The following RIMS2 variants were observed in gnomAD, a reference collection of about 807,000 sequenced individuals.
RIMS2 encodes regulating synaptic membrane exocytosis protein 2.
Under a neutral mutation model 174.4 loss-of-function variants are expected in RIMS2, and 59 were observed. The ratio of observed to expected loss-of-function variants is 0.34; its 90% confidence interval spans 0.27 to 0.42. The LOEUF (loss-of-function observed/expected upper bound fraction) is 0.42, where lower values mean the gene tolerates loss of function less well. Ranked by LOEUF, RIMS2 falls within the 10% of genes least tolerant of loss-of-function variation. The pLI is 1.00. For synonymous variants in RIMS2, 606 were observed against 572.5 expected (o/e 1.06, Z -0.84); for missense variants, 1,620 against 1,666.3 (o/e 0.97, Z 0.48).
intron 19 of RIMS2, among the ~76,000 whole-genome samples, chr8:104,031,731 A>G (rs2154556329): frequency 6.6e-6 from 1 of 152,264 alleles, no homozygotes; most frequent in Non-Finnish European, 1.5e-5. Context: ...ATAAGTGATG[A>G]CAAACCATTG....
At chr8:104,095,928 A>C (rs752623856) in intron 19 of RIMS2, among the ~76,000 whole-genome samples, 22 of 152,240 alleles carry the variant, frequency 1.4e-4, no homozygotes, top group Admixed American at 2.6e-4. Flanking sequence ...AGATATATTT[A>C]ACTGTATTTG....
intron 15 of RIMS2, among the ~76,000 whole-genome samples, chr8:103,967,227 A>G (rs1484460201): frequency 9.2e-6 from 1 of 109,288 alleles, no homozygotes; most frequent in South Asian, 3.1e-4. Context: ...CTTGTTGCCC[A>G]GGCTGGAGTG....
intron 1 of RIMS2, among the ~76,000 whole-genome samples, chr8:103,598,638 T>G (rs2094566970): frequency 6.6e-6 from 1 of 152,172 alleles, no homozygotes; most frequent in Non-Finnish European, 1.5e-5. Flanking sequence ...AAGGACATTA[T>G]TATTTGTTAC....
chr8:103,769,660 G>A (rs1241865778), intron 3 of RIMS2, among the ~76,000 whole-genome samples: 3 of 152,106 alleles, frequency 2.0e-5, no homozygotes, highest in Non-Finnish European at 4.4e-5. Context: ...GTGGTAATGA[G>A]AACAAATAAA....
At chr8:103,565,411 C>T (rs1017189222) in intron 1 of RIMS2, among the ~76,000 whole-genome samples, 2 of 151,966 alleles carry the variant, frequency 1.3e-5, no homozygotes, top group Non-Finnish European at 2.9e-5. Flanking sequence ...ATCAGGTGAT[C>T]CTTCTACCTC....
chr8:103,980,774 T>G (rs2093830567), intron 16 of RIMS2, among the ~76,000 whole-genome samples: 1 of 152,142 alleles, frequency 6.6e-6, no homozygotes, highest in African/African-American at 2.4e-5. Context: ...CAGTGAACAT[T>G]GCAGTGGCCT....
chr8:103,646,545 G>T (rs187870071), intron 1 of RIMS2, among the ~76,000 whole-genome samples: 1 of 151,942 alleles, frequency 6.6e-6, no homozygotes, highest in Non-Finnish European at 1.5e-5. Context: ...ACCTCTCTCC[G>T]CACCCAGTTC....
chr8:103,852,592 G>A (rs1318698428), intron 3 of RIMS2, among the ~76,000 whole-genome samples: 1 of 151,582 alleles, frequency 6.6e-6, no homozygotes, highest in African/African-American at 2.4e-5. Context: ...AGTGTCTATT[G>A]TTCCCATGTT....
At chr8:103,869,720 G>A (rs1269104726) in intron 3 of RIMS2, among the ~76,000 whole-genome samples, 3 of 152,216 alleles carry the variant, frequency 2.0e-5, no homozygotes, top group African/African-American at 7.2e-5. Flanking sequence ...GAGTTAAGGG[G>A]CACTTATACA....
chr8:104,255,430 C>T (rs2099366394), downstream of RIMS2: 1 of 152,016 alleles, frequency 6.6e-6, no homozygotes, highest in African/African-American at 2.4e-5. Context: ...CTGAAAAGCC[C>T]TTCTACTTTT....
intron 1 of RIMS2, among the ~76,000 whole-genome samples, chr8:103,626,767 C>G (rs566521809): frequency 1.3e-5 from 2 of 152,066 alleles, no homozygotes; most frequent in South Asian, 2.1e-4. Context: ...ATTGGTAGGA[C>G]CATGATGGCG....
chr8:103,579,605 A>G (rs1239621319), intron 1 of RIMS2, among the ~76,000 whole-genome samples: 6 of 152,132 alleles, frequency 3.9e-5, no homozygotes, highest in Non-Finnish European at 5.9e-5. Context: ...TGTGTTCTTT[A>G]TGATGTAAGG....
chr8:103,923,576 T>A (rs1171221478), intron 10 of RIMS2, among the ~76,000 whole-genome samples: 1 of 151,914 alleles, frequency 6.6e-6, no homozygotes, highest in Non-Finnish European at 1.5e-5. Context: ...TTATGTATAA[T>A]GATGTAAAGT....
At chr8:103,835,248 C>T (rs1002537280) in intron 3 of RIMS2, among the ~76,000 whole-genome samples, 1 of 151,634 alleles carries the variant, frequency 6.6e-6, no homozygotes, top group East Asian at 1.9e-4. Context: ...ACTACAGGCA[C>T]GTGCCACCAG....
At chr8:103,955,919 C>A (rs1230743500) in intron 14 of RIMS2, among the ~76,000 whole-genome samples, 4 of 152,152 alleles carry the variant, frequency 2.6e-5, no homozygotes, top group Non-Finnish European at 5.9e-5. Context: ...GATACAAAAT[C>A]AATGTGCAAA....
At chr8:104,014,212 A>C (rs1436598414) in intron 18 of RIMS2, among the ~76,000 whole-genome samples, 2 of 152,136 alleles carry the variant, frequency 1.3e-5, no homozygotes, top group Non-Finnish European at 2.9e-5. Flanking sequence ...GAGCAGCGAA[A>C]TTCTCCTCTT....
intron 19 of RIMS2, among the ~76,000 whole-genome samples, chr8:104,068,888 T>A (rs1024861239): frequency 6.6e-5 from 10 of 152,202 alleles, no homozygotes; most frequent in African/African-American, 2.2e-4. Flanking sequence ...CCCTCAAAAA[T>A]GTTTAAGAAC....
intron 3 of RIMS2, among the ~76,000 whole-genome samples, chr8:103,856,286 G>A (rs986038095): frequency 7.2e-5 from 11 of 152,020 alleles, no homozygotes; most frequent in East Asian, 5.8e-4. Context: ...TTTACTTTGC[G>A]CCTGTGGGTG....
intron 2 of RIMS2, among the ~76,000 whole-genome samples, chr8:103,711,332 G>A (rs2097300692): frequency 6.6e-6 from 1 of 152,076 alleles, no homozygotes; most frequent in Non-Finnish European, 1.5e-5. Flanking sequence ...TATAGAAGAG[G>A]GCAGCGCCTT....
Sources: gnomAD v4.1 joint callset for allele counts (sites outside exome capture counted in the v4.1 genomes callset) on GRCh38, gnomAD v4.1.1 for gene constraint, MANE v1.5 for transcripts, NCBI Gene and HGNC (gene_info 2026-07-23, HGNC 2026-07-21) for gene names.